Variants in EIF4G3 observed in about 807,000 individuals in gnomAD.
The protein encoded by EIF4G3 is eIF-4-gamma 3.
Under a neutral mutation model 186.4 loss-of-function variants are expected in EIF4G3, and 34 were observed. The observed-to-expected ratio is 0.18, with a 90% confidence interval of 0.14 to 0.24. The LOEUF (loss-of-function observed/expected upper bound fraction) is 0.24. Ranked by LOEUF, EIF4G3 falls within the 10% of genes least tolerant of loss-of-function variation. The pLI, the probability that EIF4G3 is intolerant of heterozygous loss-of-function variation, is 1.00. For synonymous variants in EIF4G3, 673 were observed against 679.5 expected (o/e 0.99, Z 0.15); for missense variants, 1,536 against 1,948.5 (o/e 0.79, Z 3.99).
chr1:20,995,422 G>C (rs538482853), intron 7 of EIF4G3, among the ~76,000 whole-genome samples: 2 of 152,172 alleles, frequency 1.3e-5, no homozygotes, highest in Non-Finnish European at 2.9e-5. Flanking sequence ...GCCCAGGCTG[G>C]AGTGCAGTGG....
intron 2 of EIF4G3, among the ~76,000 whole-genome samples, chr1:21,098,912 T>G (rs1002902095): frequency 1.3e-5 from 2 of 152,170 alleles, no homozygotes. Flanking sequence ...GCTGGGATTA[T>G]AGGCACGACC....
intron 2 of EIF4G3, among the ~76,000 whole-genome samples, chr1:21,116,422 T>C (rs2096824084): frequency 6.6e-6 from 1 of 152,152 alleles, no homozygotes; most frequent in African/African-American, 2.4e-5. Context: ...TCACTAGGTT[T>C]ATCTTAACAA....
chr1:20,927,447 A>C (rs921598882), intron 14 of EIF4G3, among the ~76,000 whole-genome samples: 1 of 152,232 alleles, frequency 6.6e-6, no homozygotes, highest in African/African-American at 2.4e-5. Context: ...TCCAGCAGCA[A>C]TATTTTCTCT....
chr1:20,851,259 T>A lies in EIF4G3; in HGVS notation c.3771A>T (p.Ser1257=). The change falls in exon 28 of 37, where the codon TCA becomes TCT. Residue 1257 remains serine (S), a splice_region_variant and synonymous_variant. Transcript: ENST00000602326. ...ATCTGTTTAAGCCAAGTCTCTCACC[T>A]GACTCCCTTGTTTTATTTCGCTCAG... ...TEAERNKTRE[S]AKPEISAMSA... 6.2e-7 allele frequency: 1 copy of A among 1,614,044 alleles called. No homozygotes were observed. Among genetic ancestry groups the A allele is most frequent in the Non-Finnish European group, 8.5e-7 (1 of 1,179,966 alleles).
chr1:21,054,333 G>C lies in EIF4G3; in HGVS notation c.-195-3339C>G, dbSNP rs1023034906. ...AAGTACCCAGGGACACAAACACTGC[G>C]GAAGGCCGCAGGGTCCTCTGCCTAG... On this transcript the variant is annotated intron_variant, in intron 3 of 36. Coordinates refer to ENST00000602326, the MANE Select transcript of EIF4G3 (RefSeq NM_001391906.1). 3.1e-5 allele frequency among the ~76,000 whole-genome samples: 4 copies of C among 130,618 alleles called. 1 individual carries two copies. Among genetic ancestry groups the C allele is most frequent in the Non-Finnish European group, 6.9e-5 (4 of 58,336 alleles). 85.7% of individuals were successfully genotyped at this position (130,618 alleles called of 152,430 possible).
At position 21,042,624 on chromosome 1, in the gene EIF4G3, C is replaced by T. The variant is rs2093648480; in HGVS notation, c.-67+8242G>A. Among the ~76,000 whole-genome samples the T allele has an allele frequency of 2.6e-5, 4 of 152,118 alleles. No homozygotes were observed. The South Asian group carries it at 8.3e-4, about 31-fold the overall frequency. Reference sequence around the variant, plus strand: ...TTCTCTCCCAGCAATCAGCATGCTCCCGTCCACTACAATAAATCTGAAAAG... The same window carrying T: ...TTCTCTCCCAGCAATCAGCATGCTCTCGTCCACTACAATAAATCTGAAAAG... On this transcript the variant is annotated intron_variant, in intron 4 of 36. Coordinates refer to ENST00000602326, the MANE Select transcript of EIF4G3 (RefSeq NM_001391906.1).
At chr1:20,813,423 G>C in intron 34 of EIF4G3, among the ~76,000 whole-genome samples, 184 bp from the exon 35 acceptor site, 1 of 94,508 alleles carries the variant, frequency 1.1e-5, no homozygotes, top group South Asian at 3.5e-4. Flanking sequence ...AAAAAAAAAA[G>C]CTGGGTATGG....
At chr1:20,941,279 T>C (rs749896997) in intron 14 of EIF4G3, 1 of 1,551,090 alleles carries the variant, frequency 6.4e-7, no homozygotes, top group Non-Finnish European at 8.7e-7. Context: ...TTTTGTATAT[T>C]TGGAAATTCT....
chr1:21,069,973 T>C (rs147591361), intron 3 of EIF4G3, among the ~76,000 whole-genome samples: 1 of 152,344 alleles, frequency 6.6e-6, no homozygotes, highest in East Asian at 1.9e-4. Flanking sequence ...TAAATCATTA[T>C]AGAATTCAGT....
intron 15 of EIF4G3, among the ~76,000 whole-genome samples, chr1:20,900,735 A>G (rs2090019063): frequency 6.6e-6 from 1 of 152,158 alleles, no homozygotes; most frequent in Admixed American, 6.5e-5. Flanking sequence ...ATGGGTATGC[A>G]CTCTGAAAAC....
intron 7 of EIF4G3, among the ~76,000 whole-genome samples, chr1:20,984,563 C>T (rs201916243): frequency 0.82 from 110,994 of 135,208 alleles, 46,700 homozygotes; most frequent in East Asian, 0.93. Context: ...TATATATACA[C>T]ACACACACAC....
chr1:21,053,856 G>GC (rs1314124284), intron 3 of EIF4G3, among the ~76,000 whole-genome samples: 11 of 142,764 alleles, frequency 7.7e-5, no homozygotes, highest in Non-Finnish European at 1.7e-4. Flanking sequence ...GGGGGGGTCA[G>GC]CCCCCCGCCC....
At position 21,066,877 on chromosome 1, in the gene EIF4G3, T is replaced by C. The variant is rs576675870; in HGVS notation, c.-195-15883A>G. On this transcript the variant is annotated intron_variant, in intron 3 of 36. Coordinates refer to ENST00000602326, the MANE Select transcript of EIF4G3 (RefSeq NM_001391906.1). ...TTAAACGTGGTCCATATCAGTTGTT[T>C]TATTTTTAAAAACAGTACATATACT... Among the ~76,000 whole-genome samples the C allele has an allele frequency of 7.9e-5, 12 of 152,352 alleles. No individual in the cohort carries two copies. In the South Asian group the frequency reaches 2.1e-3, roughly 26 times the overall value.
chr1:21,120,621 A>T (rs1248942236), intron 2 of EIF4G3, among the ~76,000 whole-genome samples: 1 of 146,116 alleles, frequency 6.8e-6, no homozygotes, highest in African/African-American at 2.5e-5. Context: ...CTCCATCTCA[A>T]AAAAAAAAAA....
chr1:20,857,351 TATCAAAGGC>T, intron 25 of EIF4G3, 43 bp downstream of exon 25: 3 of 1,365,284 alleles, frequency 2.2e-6, no homozygotes, highest in African/African-American at 1.4e-5. Flanking sequence ...TGTGTTTTAA[TATCAAAGGC>T]ATCAAAGGAG....
intron 2 of EIF4G3, among the ~76,000 whole-genome samples, chr1:21,172,878 C>T (rs1001141493): frequency 1.3e-5 from 2 of 151,582 alleles, no homozygotes; most frequent in African/African-American, 2.4e-5. Flanking sequence ...CAGTGGCTCA[C>T]GCCTGTAATC....
intron 2 of EIF4G3, among the ~76,000 whole-genome samples, chr1:21,131,295 A>C (rs2097148020): frequency 6.6e-6 from 1 of 150,396 alleles, no homozygotes; most frequent in Admixed American, 6.7e-5. Context: ...TATCAACAGA[A>C]ATTACTCAAA....
intron 4 of EIF4G3, among the ~76,000 whole-genome samples, chr1:21,003,125 T>C (rs2083992371): frequency 6.6e-6 from 1 of 150,506 alleles, no homozygotes; most frequent in Admixed American, 6.6e-5. Flanking sequence ...GCCTCTGGAG[T>C]AGCTGGGACT....
At chr1:21,070,899 T>C (rs1364742877) in intron 3 of EIF4G3, among the ~76,000 whole-genome samples, 6 of 152,214 alleles carry the variant, frequency 3.9e-5, no homozygotes, top group Admixed American at 3.9e-4. Flanking sequence ...CTAATTGATA[T>C]TGTTGTCTAG....
Sources: gnomAD v4.1 joint callset for allele counts (sites outside exome capture counted in the v4.1 genomes callset) on GRCh38, gnomAD v4.1.1 for gene constraint, MANE v1.5 for transcripts, NCBI Gene and HGNC (gene_info 2026-07-23, HGNC 2026-07-21) for gene names.